Variants in ZNF324B observed in about 807,000 individuals in gnomAD.
ZNF324B encodes zinc finger protein 324B.
Under a neutral mutation model 10.6 loss-of-function variants are expected in ZNF324B, and 7 were observed. The observed-to-expected ratio is 0.66, with a 90% CI of 0.38 to 1.24. The LOEUF is 1.24. Among genes scored for constraint, ZNF324B ranks in the 50% most tolerant of loss-of-function variants. The pLI, the probability that ZNF324B is intolerant of heterozygous loss-of-function variation, is 0.02. For synonymous variants in ZNF324B, 316 were observed against 321.0 expected (o/e 0.98, Z 0.17); for missense variants, 640 against 764.7 (o/e 0.84, Z 1.92).
intron 3 of ZNF324B, chr19:58,454,590 C>A (rs2052895054): frequency 1.8e-6 from 1 of 564,714 alleles, no homozygotes; most frequent in Non-Finnish European, 3.1e-6. Context: ...GCCTTGAACC[C>A]TCCACAACTA....
At chr19:58,435,580 C>T in the ZNF324B span, 2 of 176,310 alleles carry the variant, frequency 1.1e-5, no homozygotes, top group Non-Finnish European at 2.4e-5. Context: ...TTCACATCCA[C>T]TAGCATAGCT....
the ZNF324B span, chr19:58,419,170 AAGGGAAT>A: frequency 6.6e-6 from 1 of 152,136 alleles, no homozygotes; most frequent in Non-Finnish European, 1.5e-5. Flanking sequence ...CACCTTGCGG[AAGGGAAT>A]AGTTGGTGAG....
chr19:58,455,239 C>A lies in ZNF324B; in HGVS notation c.295C>A (p.Pro99Thr). The A allele has an allele frequency of 6.2e-7, 1 of 1,614,176 alleles. No individual in the cohort carries two copies. The highest frequency in any genetic ancestry group is 1.1e-5 in the South Asian group (1 of 91,084). ...DVSGEWPRAF[P>T]DTPPGMTTSV... ...TTCTGGAGAATGGCCACGAGCTTTC[C>A]CAGATACCCCACCTGGGATGACTAC... The change falls in exon 4 of 4, where the codon CCA becomes ACA. Residue 99 changes from proline (P) to threonine (T), a missense_variant. This residue lies in a region of ZNF324B where 345 missense variants were observed against 387.9 expected (regional missense o/e 0.89). Coordinates refer to ENST00000336614, the MANE Select transcript of ZNF324B (RefSeq NM_207395.3). The surrounding 1 kb of genome is among the most constrained non-coding windows in gnomAD (Gnocchi z 7.0).
Position 58,455,066 on chromosome 19 carries a change from T to A in ZNF324B, c.239-117T>A, listed in dbSNP as rs113336835. 5.0e-3 allele frequency: 7,084 copies of A among 1,418,104 alleles called. 453 individuals are homozygous for A. In the African/African-American group the frequency reaches 0.09, roughly 18 times the overall value. The allele number at this position is 1,418,104 out of a possible 1,614,324, so 87.8% of individuals were successfully genotyped here. A position where few individuals can be genotyped will look rare whatever the true frequency, so the allele number is the denominator to read the frequency against. On this transcript the variant is annotated intron_variant, in intron 3 of 3. Transcript: ENST00000336614. The surrounding 1 kb of genome is among the most constrained non-coding windows in gnomAD (Gnocchi z 7.0). ...CTCCTGCAGAGCCAGCCTCACCTCT[T>A]CTTTTTCCCTAAGCTTTTGTCCCGG...
chr19:58,451,396 C>T (rs949458979), upstream of ZNF324B, among the ~76,000 whole-genome samples: 11 of 152,256 alleles, frequency 7.2e-5, no homozygotes, highest in Non-Finnish European at 1.6e-4. Context: ...TGCCGGGCGA[C>T]TCAACCAGTG....
chr19:58,453,779 C>G lies in ZNF324B; in HGVS notation c.78C>G (p.Tyr26Ter). Residue 26 changes from tyrosine (Y) to a stop codon, truncating the protein, a stop_gained, in exon 2 of 4, where the codon TAC (tyrosine) becomes TAG (stop). Transcript: ENST00000336614. LOFTEE classifies it high-confidence loss of function. ...GLLDTAQRALYRHVMLENFTL... is the reference protein window; with the variant it reads ...GLLDTAQRAL ...TGGACACAGCGCAGAGGGCCCTGTA[C>G]CGCCACGTGATGCTGGAAAACTTCA... is the stretch of plus-strand genomic sequence containing the variant. The G allele has an allele frequency of 6.2e-7, 1 of 1,614,172 alleles. No homozygotes were observed. The highest frequency in any genetic ancestry group is 8.5e-7 in the Non-Finnish European group (1 of 1,180,026).
chr19:58,434,696 TG>T, the ZNF324B span: 1 of 1,614,010 alleles, frequency 6.2e-7, no homozygotes, highest in Non-Finnish European at 8.5e-7. Flanking sequence ...TTGGGGAGAG[TG>T]GAGCTCTTCA....
chr19:58,434,775 A>T, the ZNF324B span: 1 of 1,614,218 alleles, frequency 6.2e-7, no homozygotes, highest in Non-Finnish European at 8.5e-7. Context: ...GAAGCTGCCC[A>T]AGATTGGAAT....
chr19:58,449,476 G>A (rs1205863744), upstream of ZNF324B, among the ~76,000 whole-genome samples: 11 of 152,258 alleles, frequency 7.2e-5, no homozygotes, highest in South Asian at 4.1e-4. Flanking sequence ...CTTGGACCAC[G>A]CACCCGGAAA....
chr19:58,427,433 T>TTCCTTTCCTTTC, the ZNF324B span, among the ~76,000 whole-genome samples: 2 of 35,504 alleles, frequency 5.6e-5, no homozygotes, highest in East Asian at 5.7e-4. Context: ...CTTCCTTCCT[T>TTCCTTTCCTTTC]CCTTCCTTCC....
rs372332129 is a variant in ZNF324B, at chr19:58,451,637, G to A, written c.-74G>A. ...CGTTGGGACTGTCACTTGGCTGCTC[G>A]CGTCAGGCCACACCGGTGGTCTGGG... is the stretch of plus-strand genomic sequence containing the variant. On this transcript the variant is annotated 5_prime_UTR_variant, in exon 1 of 4. Transcript: ENST00000336614. 9 of 517,026 alleles carry A rather than the reference G, an allele frequency of 1.7e-5. No homozygotes were observed. The highest frequency in any genetic ancestry group is 2.7e-5 in the Non-Finnish European group (7 of 259,018). 32.0% of individuals were successfully genotyped at this position (517,026 alleles called of 1,614,324 possible).
the ZNF324B span, among the ~76,000 whole-genome samples, chr19:58,436,741 A>G: frequency 6.6e-6 from 1 of 151,728 alleles, no homozygotes; most frequent in African/African-American, 2.4e-5. Flanking sequence ...GCATGACCTC[A>G]TACTGGGTAA....
chr19:58,432,837 T>C, the ZNF324B span: 24 of 167,208 alleles, frequency 1.4e-4, no homozygotes, highest in Non-Finnish European at 2.6e-4. Context: ...AAGGTCTTTA[T>C]TATCACCAGT....
At chr19:58,437,322 C>T in the ZNF324B span, 1 of 1,287,372 alleles carries the variant, frequency 7.8e-7, no homozygotes. Flanking sequence ...TTATGATCCT[C>T]TCAGTCCACC....
chr19:58,453,913 C>G (rs2052887085), intron 2 of ZNF324B, 91 bp downstream of exon 2: 2 of 1,531,188 alleles, frequency 1.3e-6, no homozygotes, highest in Non-Finnish European at 1.8e-6. Flanking sequence ...AGGATCAAAT[C>G]TGGCCAGGGC....
At chr19:58,425,425 C>T in the ZNF324B span, among the ~76,000 whole-genome samples, 15,471 of 150,140 alleles carry the variant, frequency 0.1, 2,494 homozygotes, top group African/African-American at 0.35. Flanking sequence ...TAGATTTTTC[C>T]TTCCTTCCTT....
At chr19:58,447,568 A>G, upstream of ZNF324B, among the ~76,000 whole-genome samples, 1 of 152,234 alleles carries the variant, frequency 6.6e-6, no homozygotes, top group East Asian at 1.9e-4. Context: ...AACGTCTCCA[A>G]ACATTAAACA....
the ZNF324B span, chr19:58,437,601 C>T: frequency 2.6e-6 from 2 of 768,258 alleles, no homozygotes; most frequent in East Asian, 2.6e-4. Context: ...GGCCATGGGC[C>T]CAATGGTTCA....
At chr19:58,425,923 C>A in the ZNF324B span, among the ~76,000 whole-genome samples, 69 of 152,352 alleles carry the variant, frequency 4.5e-4, no homozygotes, top group Middle Eastern at 3.4e-3. Context: ...CTCTAGATTT[C>A]CACCCTCCCA....
Sources: allele counts gnomAD v4.1 joint callset (sites outside exome capture counted in the v4.1 genomes callset), GRCh38; gene constraint gnomAD v4.1.1; regional missense constraint gnomAD v4.1.1; non-coding constraint Gnocchi (gnomAD v3.1); transcripts MANE v1.5; gene names NCBI Gene and HGNC (gene_info 2026-07-23, HGNC 2026-07-21).